Variants in ZNF438 observed in about 807,000 individuals in gnomAD.
ZNF438 encodes zinc finger protein 438.
A neutral mutation model predicts 38.0 loss-of-function variants in ZNF438; 25 were observed. The observed-to-expected ratio is 0.66, with a 90% CI of 0.48 to 0.92. The LOEUF (loss-of-function observed/expected upper bound fraction) is 0.92. ZNF438 is among the 40% of genes least tolerant of loss of function. ZNF438 has a pLI of 0.00. For missense variants in ZNF438, 1,007 were observed against 999.6 expected (o/e 1.01, Z -0.10); for synonymous variants, 372 against 364.1 (o/e 1.02, Z -0.25).
At chr10:30,976,180 C>G (rs1001071494) in intron 1 of ZNF438, among the ~76,000 whole-genome samples, 5 of 151,766 alleles carry the variant, frequency 3.3e-5, no homozygotes, top group Admixed American at 2.0e-4. Flanking sequence ...ACAATGAAAA[C>G]AAGGAAGAAT....
At chr10:30,848,636 T>C (rs1197571346) in exon 5 of ZNF438, 14 of 1,614,116 alleles carry the variant, frequency 8.7e-6, no homozygotes, top group African/African-American at 2.7e-5. Context: ...CACAACCCTA[T>C]GCACTTCTTT....
intron 3 of ZNF438, among the ~76,000 whole-genome samples, chr10:30,883,625 C>A (rs1030114253): frequency 1.3e-5 from 2 of 152,188 alleles, no homozygotes; most frequent in African/African-American, 2.4e-5. Flanking sequence ...AATCCCAACA[C>A]TTTTGGGGGC....
intron 1 of ZNF438, among the ~76,000 whole-genome samples, chr10:31,006,256 C>T (rs947143520): frequency 5.9e-5 from 9 of 152,048 alleles, no homozygotes; most frequent in African/African-American, 1.9e-4. Flanking sequence ...AGGGTTGGGA[C>T]GTTCAGTGAC....
At chr10:30,885,726 G>A (rs185308937) in intron 3 of ZNF438, among the ~76,000 whole-genome samples, 1 of 152,196 alleles carries the variant, frequency 6.6e-6, no homozygotes, top group East Asian at 1.9e-4. Context: ...ATAGACAAGG[G>A]TGTTCTGATG....
intron 1 of ZNF438, among the ~76,000 whole-genome samples, chr10:30,945,365 T>C (rs1056039730): frequency 2.0e-5 from 3 of 151,132 alleles, no homozygotes; most frequent in African/African-American, 7.3e-5. Context: ...AGTATCTGCA[T>C]GGTATCTCTT....
chr10:31,024,877 G>T (rs575300492), intron 1 of ZNF438, among the ~76,000 whole-genome samples: 53 of 152,198 alleles, frequency 3.5e-4, no homozygotes, highest in African/African-American at 1.3e-3. Context: ...ACAATAAAGG[G>T]AATTCACACT....
intron 3 of ZNF438, among the ~76,000 whole-genome samples, chr10:30,895,167 G>C (rs2041168059): frequency 6.6e-6 from 1 of 152,098 alleles, no homozygotes; most frequent in Non-Finnish European, 1.5e-5. Context: ...GATACAACTA[G>C]GTGTGCTTTC....
chr10:30,922,179 A>G (rs764927100), intron 2 of ZNF438, among the ~76,000 whole-genome samples: 2 of 152,194 alleles, frequency 1.3e-5, no homozygotes, highest in Non-Finnish European at 2.9e-5. Flanking sequence ...ATTAGTGTTA[A>G]AGACGTATCT....
intron 4 of ZNF438, among the ~76,000 whole-genome samples, chr10:30,855,970 A>C (rs917780973): frequency 3.9e-5 from 6 of 152,248 alleles, no homozygotes; most frequent in Non-Finnish European, 4.4e-5. Context: ...TGTGCCTGGC[A>C]CACAGGAGGT....
chr10:30,938,777 CTTTATTTATTTA>C (rs61394565), intron 2 of ZNF438, among the ~76,000 whole-genome samples: 121 of 149,686 alleles, frequency 8.1e-4, no homozygotes, highest in African/African-American at 2.5e-3. Context: ...GGGAAGCAAA[CTTTATTTATTTA>C]TTTATTTATT....
chr10:30,847,099 A>C (rs1012855385), intron 5 of ZNF438, among the ~76,000 whole-genome samples: 1 of 152,180 alleles, frequency 6.6e-6, no homozygotes, highest in Non-Finnish European at 1.5e-5. Flanking sequence ...CCATAAACAG[A>C]AGCAGGGAGC....
intron 1 of ZNF438, among the ~76,000 whole-genome samples, chr10:30,990,090 C>T (rs538776354): frequency 1.4e-4 from 21 of 152,082 alleles, no homozygotes; most frequent in South Asian, 2.1e-4. Flanking sequence ...TTAACTAATA[C>T]GTTAAATTCT....
At chr10:30,844,934 T>C (rs1394090835) in exon 6 of ZNF438, 5 of 1,602,322 alleles carry the variant, frequency 3.1e-6, no homozygotes, top group South Asian at 1.1e-5. Context: ...CAGAGCTCTC[T>C]CCTTAACCCC....
Position 30,953,835 on chromosome 10 carries a change from C to T in ZNF438, c.-191-12184G>A, listed in dbSNP as rs555970735. Reference sequence around the variant, plus strand: ...CAGTGGGAAGTTTGTAACACTGTTCCTCACATGAAATAGAAAAGACAAAAT... The same window carrying T: ...CAGTGGGAAGTTTGTAACACTGTTCTTCACATGAAATAGAAAAGACAAAAT... On this transcript the variant is annotated intron_variant, in intron 1 of 5. Transcript: ENST00000413025. 4.6e-5 allele frequency among the ~76,000 whole-genome samples: 7 copies of T among 152,158 alleles called. No homozygotes were observed. In the South Asian group the frequency reaches 1.5e-3, roughly 32 times the overall value.
At chr10:30,885,370 T>A (rs549357638) in intron 3 of ZNF438, among the ~76,000 whole-genome samples, 1 of 152,338 alleles carries the variant, frequency 6.6e-6, no homozygotes, top group African/African-American at 2.4e-5. Flanking sequence ...TCACACAAGA[T>A]CTTATTTTCA....
rs764333128 is a variant in ZNF438 at position 30,849,589 on chromosome 10, T to C, written c.816A>G (p.Leu272=). The C allele has an allele frequency of 4.3e-6, 7 of 1,614,142 alleles. No individual in the cohort carries two copies. In the East Asian group the frequency reaches 1.6e-4, roughly 36 times the overall value. ...CTGCATTGCCAAGAATGGTTGGTGA[T>C]AAATTGGTCATGGTTTTTGCAAGAT... The change falls in exon 5 of 6, where the codon TTA becomes TTG. Residue 272 remains leucine (L), a synonymous_variant. Transcript: ENST00000413025.
intron 2 of ZNF438, among the ~76,000 whole-genome samples, chr10:30,932,066 C>A (rs2045756468): frequency 6.6e-6 from 1 of 152,180 alleles, no homozygotes; most frequent in African/African-American, 2.4e-5. Flanking sequence ...TTATTACCTA[C>A]AGGCCATTGT....
At chr10:30,877,733 G>A (rs1220512714) in intron 3 of ZNF438, among the ~76,000 whole-genome samples, 1 of 152,034 alleles carries the variant, frequency 6.6e-6, no homozygotes, top group African/African-American at 2.4e-5. Context: ...ATAATGTAGT[G>A]TTCCATATTA....
In ZNF438 at chr10:30,944,938, C is replaced by CT. The variant is rs920499523; in HGVS notation, c.-191-3288dup. On this transcript the variant is annotated intron_variant, in intron 1 of 5. Coordinates refer to ENST00000413025, the Ensembl canonical transcript of ZNF438. Reference sequence around the variant, plus strand: ...TTCTTATATTGTTAATTTGAACTTTCTTTTTTTTTCTTAGTAGGGGTTTAT... The same window carrying CT: ...TTCTTATATTGTTAATTTGAACTTTCTTTTTTTTTTCTTAGTAGGGGTTTAT... Among the ~76,000 whole-genome samples the CT allele has an allele frequency of 4.7e-3, 709 of 149,794 alleles. 4 individuals carry two copies. Among genetic ancestry groups the CT allele is most frequent in the African/African-American group, 0.016 (650 of 40,904 alleles).
Sources: gnomAD v4.1 joint callset for allele counts (sites outside exome capture counted in the v4.1 genomes callset) on GRCh38, gnomAD v4.1.1 for gene constraint, MANE v1.5 for transcripts, NCBI Gene and HGNC (gene_info 2026-07-23, HGNC 2026-07-21) for gene names.